BACH2: variants seen among roughly 807,000 people sequenced by gnomAD.
BACH2 encodes the protein transcription regulator protein BACH2.
Under a neutral mutation model 61.8 loss-of-function variants are expected in BACH2, and 5 were observed. The ratio of observed to expected loss-of-function variants is 0.08; its 90% confidence interval spans 0.04 to 0.17. BACH2 has a LOEUF of 0.17. Among genes scored for constraint, BACH2 ranks in the 10% least tolerant of loss-of-function variants. The pLI, the probability that BACH2 is intolerant of heterozygous loss-of-function variation, is 1.00. For missense variants in BACH2, 824 were observed against 1,091.1 expected, an observed-to-expected ratio of 0.76 and a Z score of 3.45; for synonymous variants, 446 against 440.1, an observed-to-expected ratio of 1.01 and a Z score of -0.17.
intron 3 of BACH2, among the ~76,000 whole-genome samples, chr6:90,208,854 CA>C (rs1413338987): frequency 6.6e-6 from 1 of 152,038 alleles, no homozygotes; most frequent in Non-Finnish European, 1.5e-5. Flanking sequence ...ACATATATAC[CA>C]TGGAATGCTA....
chr6:89,950,870 C>T lies in BACH2; in HGVS notation c.1236G>A (p.Arg412=). Residue 412 remains arginine, a synonymous_variant, in exon 7 of 9, where the codon AGG becomes AGA. Coordinates refer to ENST00000257749, the MANE Select transcript of BACH2 (RefSeq NM_021813.4). This position sits in a 1 kb window ranked among gnomAD's most constrained non-coding sequence, Gnocchi z 5.3. ...TACAGAGAGCCTCCAACCCAGGCCC[C>T]CTGAGGGGCGACCCCATGGTGAAGT... ...VSNFTMGSPL[R]GPGLEALCKQ... is the part of the protein sequence containing the mutation. 6.2e-7 allele frequency: 1 copy of T among 1,609,746 alleles called. No homozygotes were observed. Among genetic ancestry groups the T allele is most frequent in the Non-Finnish European group, 8.5e-7 (1 of 1,177,484 alleles).
At chr6:90,006,630 T>A (rs1777420981) in intron 6 of BACH2, among the ~76,000 whole-genome samples, 1 of 152,196 alleles carries the variant, frequency 6.6e-6, no homozygotes, top group Non-Finnish European at 1.5e-5. Flanking sequence ...TTATTTATTT[T>A]TTTGAGACAC....
chr6:90,085,589 T>C (rs1781900572), intron 5 of BACH2, among the ~76,000 whole-genome samples: 1 of 152,214 alleles, frequency 6.6e-6, no homozygotes, highest in Non-Finnish European at 1.5e-5. Context: ...TTCTGACAAC[T>C]GTGTCTTTAC....
chr6:90,067,400 T>C (rs1562417112), intron 5 of BACH2, among the ~76,000 whole-genome samples: 1 of 152,000 alleles, frequency 6.6e-6, no homozygotes, highest in Non-Finnish European at 1.5e-5. Flanking sequence ...CAGTAAGTAG[T>C]GAGGTGCTGC....
At chr6:90,229,725 T>C (rs1042083933) in intron 3 of BACH2, among the ~76,000 whole-genome samples, 1 of 152,248 alleles carries the variant, frequency 6.6e-6, no homozygotes, top group Non-Finnish European at 1.5e-5. Context: ...ATTCTCATAA[T>C]TGGTGTAGCA....
At chr6:90,061,614 T>A (rs1039480282) in intron 5 of BACH2, among the ~76,000 whole-genome samples, 93 of 151,400 alleles carry the variant, frequency 6.1e-4, no homozygotes, top group African/African-American at 2.2e-3. Flanking sequence ...CAAGTGAGAG[T>A]GCAGAGAGAA....
At chr6:90,247,268 T>C (rs1051401287) in intron 3 of BACH2, among the ~76,000 whole-genome samples, 3 of 151,100 alleles carry the variant, frequency 2.0e-5, no homozygotes, top group Admixed American at 2.0e-4. Context: ...TTTGTAGAGA[T>C]GGTGTCTTAC....
Position 89,930,960 on chromosome 6 carries a change from C to T in BACH2, c.*1448G>A, listed in dbSNP as rs1023677661. 5 of 149,554 alleles carry T rather than the reference C, an allele frequency of 3.3e-5. No homozygotes were observed. The highest frequency in any genetic ancestry group is 1.3e-4 in the Admixed American group (2 of 14,970). 9.3% of individuals were successfully genotyped at this position (149,554 alleles called of 1,614,324 possible). ...CCCAATGGGGTGAAGGCAGGACCTT[C>T]GGGGCTGTGATTCAAATCCCCTCAG... On this transcript the variant is annotated 3_prime_UTR_variant, in exon 9 of 9. Coordinates refer to ENST00000257749, the MANE Select transcript of BACH2 (RefSeq NM_021813.4).
At chr6:90,007,884 G>C (rs1035900181) in intron 6 of BACH2, among the ~76,000 whole-genome samples, 4 of 152,152 alleles carry the variant, frequency 2.6e-5, no homozygotes, top group Non-Finnish European at 5.9e-5. Flanking sequence ...TAGGAATGAC[G>C]GAAGTCAGGA....
At chr6:90,233,177 C>T (rs969404572) in intron 3 of BACH2, among the ~76,000 whole-genome samples, 1 of 152,220 alleles carries the variant, frequency 6.6e-6, no homozygotes. Flanking sequence ...AAGCTGGGAT[C>T]ATGAGGAGGT....
At chr6:90,034,700 G>A (rs1283590661) in intron 5 of BACH2, among the ~76,000 whole-genome samples, 1 of 152,018 alleles carries the variant, frequency 6.6e-6, no homozygotes, top group East Asian at 1.9e-4. Flanking sequence ...AATTTAAAAG[G>A]TTAGAGAGCT....
At chr6:89,995,369 T>C (rs911439501) in intron 6 of BACH2, among the ~76,000 whole-genome samples, 7 of 152,132 alleles carry the variant, frequency 4.6e-5, no homozygotes, top group Non-Finnish European at 1.0e-4. Flanking sequence ...GGTCAAATCA[T>C]ACCGACTACG....
At chr6:90,189,578 G>A (rs1280300981) in intron 4 of BACH2, among the ~76,000 whole-genome samples, 2 of 137,598 alleles carry the variant, frequency 1.5e-5, no homozygotes, top group African/African-American at 2.8e-5. Flanking sequence ...ACTGCAGTCC[G>A]CAGTCCGGCC....
rs78268811 is a variant in BACH2, at chr6:89,938,969, C to G, written c.1837-619G>C. ...CCTCTCTGAGATTCAATTTCCTCAT[C>G]TGAAAAATAGGGCATTTTAAAAAAG... On this transcript the variant is annotated intron_variant, in intron 7 of 8. Transcript: ENST00000257749. Among the ~76,000 whole-genome samples the G allele has an allele frequency of 8.5e-5, 13 of 152,318 alleles. No homozygotes were observed. In the East Asian group the frequency reaches 2.5e-3, roughly 29 times the overall value.
chr6:90,178,519 C>T (rs550065762), intron 4 of BACH2, among the ~76,000 whole-genome samples: 3 of 152,296 alleles, frequency 2.0e-5, no homozygotes, highest in African/African-American at 7.2e-5. Context: ...TATTTACACA[C>T]ACTATTAGTT....
chr6:90,100,710 C>CACACACACACACACAG (rs1554245809), intron 4 of BACH2, among the ~76,000 whole-genome samples: 42 of 139,870 alleles, frequency 3.0e-4, no homozygotes, highest in African/African-American at 1.0e-3. Context: ...CAGACACACA[C>CACACACACACACACAG]ACACACACAC....
chr6:89,938,434 T>C (rs1430810594), intron 7 of BACH2, 84 bp from the exon 8 acceptor site: 3 of 1,150,548 alleles, frequency 2.6e-6, no homozygotes, highest in African/African-American at 3.1e-5. Context: ...TAAAACCTCC[T>C]TTTTATGATG....
intron 3 of BACH2, among the ~76,000 whole-genome samples, chr6:90,233,219 G>T (rs2127861068): frequency 6.6e-6 from 1 of 152,316 alleles, no homozygotes; most frequent in Middle Eastern, 3.4e-3. Context: ...TTGGGAGCTT[G>T]CACTCATGAC....
chr6:90,283,304 A>G (rs1771913384), intron 1 of BACH2, among the ~76,000 whole-genome samples: 1 of 151,888 alleles, frequency 6.6e-6, no homozygotes, highest in African/African-American at 2.4e-5. Flanking sequence ...CTCATTCTCC[A>G]TAGTTACCAC....
Sources: allele counts gnomAD v4.1 joint callset (sites outside exome capture counted in the v4.1 genomes callset), GRCh38; gene constraint gnomAD v4.1.1; non-coding constraint Gnocchi (gnomAD v3.1); transcripts MANE v1.5; gene names NCBI Gene and HGNC (gene_info 2026-07-23, HGNC 2026-07-21).